The following P2RX7 variants were observed in gnomAD, a reference collection of about 807,000 sequenced individuals.
P2RX7 encodes P2X purinoceptor 7.
P2RX7 carries 62 observed loss-of-function variants against 71.6 expected under a neutral mutation model. The ratio of observed to expected loss-of-function variants is 0.87; its 90% CI spans 0.71 to 1.07. The LOEUF is 1.07. Ranked by LOEUF, P2RX7 falls within the 50% of genes least tolerant of loss-of-function variation. The pLI is 0.00. For synonymous variants in P2RX7, 299 were observed against 283.3 expected (o/e 1.06, Z -0.56); for missense variants, 686 against 748.5 (o/e 0.92, Z 0.97).
At chr12:121,177,720 A>C (rs1466978574) in intron 11 of P2RX7, among the ~76,000 whole-genome samples, 4 of 146,582 alleles carry the variant, frequency 2.7e-5, no homozygotes, top group African/African-American at 1.1e-4. Context: ...TTATTTATTT[A>C]TTTATTTATT....
chr12:121,163,377 C>CACAA (rs1159273424), intron 5 of P2RX7, among the ~76,000 whole-genome samples: 3 of 151,632 alleles, frequency 2.0e-5, no homozygotes, highest in African/African-American at 7.3e-5. Flanking sequence ...CACACACACA[C>CACAA]AATCTACCCC....
intron 4 of P2RX7, among the ~76,000 whole-genome samples, chr12:121,161,758 C>T (rs796992050): frequency 1.4e-5 from 2 of 140,168 alleles, no homozygotes; most frequent in South Asian, 2.3e-4. Flanking sequence ...TGCCACTGCA[C>T]TCCAGCATGG....
At chr12:121,160,402 C>T (rs998828862) in intron 3 of P2RX7, among the ~76,000 whole-genome samples, 7 of 152,180 alleles carry the variant, frequency 4.6e-5, no homozygotes, top group South Asian at 2.1e-4. Flanking sequence ...CCGCCTTGGC[C>T]TCCCAAAGTG....
rs754831836 is a variant in P2RX7 at position 121,155,201 on chromosome 12, A to G, written c.294+248A>G. The G allele has an allele frequency of 2.3e-5, 34 of 1,462,716 alleles. No individual in the cohort carries two copies. In the African/African-American group the frequency reaches 4.5e-4, roughly 19 times the overall value. The allele number at this position is 1,462,716 out of a possible 1,614,324, so 90.6% of individuals were successfully genotyped here. On this transcript the variant is annotated intron_variant, in intron 2 of 12. Coordinates refer to ENST00000328963, the MANE Select transcript of P2RX7 (RefSeq NM_002562.6). ...CCTCATGTCCTGGTGCATTGAAAAC[A>G]GGATTTGATTCACTCGCGCTTGATT...
At chr12:121,152,666 C>T (rs775843373) in intron 1 of P2RX7, among the ~76,000 whole-genome samples, 5 of 152,314 alleles carry the variant, frequency 3.3e-5, no homozygotes, top group Non-Finnish European at 7.3e-5. Flanking sequence ...ATTACAGGCT[C>T]ACGCCACCGT....
chr12:121,149,929 C>T lies in P2RX7; in HGVS notation c.126-4856C>T, dbSNP rs966760021. Among the ~76,000 whole-genome samples, 1 of 152,142 alleles carries T rather than the reference C, an allele frequency of 6.6e-6. No individual in the cohort carries two copies. The highest frequency in any genetic ancestry group is 2.4e-5 in the African/African-American group (1 of 41,420). On this transcript the variant is annotated intron_variant, in intron 1 of 12. Transcript: ENST00000328963. The surrounding 1 kb of genome is among the most constrained non-coding windows in gnomAD (Gnocchi z 4.7). ...TAGGTCCTTCACACTCCCGTTAGCT[C>T]CAGGTACCAGCGGCTTTGCCTTCTA...
At chr12:121,179,213 G>A (rs779595010) in intron 11 of P2RX7, among the ~76,000 whole-genome samples, 3 of 152,050 alleles carry the variant, frequency 2.0e-5, no homozygotes, top group Non-Finnish European at 4.4e-5. Flanking sequence ...AAACAAAGAC[G>A]ATTGGCTAGA....
chr12:121,138,121 G>A (rs560422), intron 1 of P2RX7, among the ~76,000 whole-genome samples: 136,552 of 152,206 alleles, frequency 0.9, 61,426 homozygotes, highest in East Asian at 1. Context: ...AACCCAACTT[G>A]CGTTAACCAC....
At chr12:121,140,155 G>A (rs959071336) in intron 1 of P2RX7, among the ~76,000 whole-genome samples, 1 of 152,178 alleles carries the variant, frequency 6.6e-6, no homozygotes, top group African/African-American at 2.4e-5. Flanking sequence ...TTCGGGAAGT[G>A]ACCCCGTAGG....
At chr12:121,167,007 G>A (rs928616760) in intron 7 of P2RX7, among the ~76,000 whole-genome samples, 6 of 148,102 alleles carry the variant, frequency 4.1e-5, no homozygotes, top group Non-Finnish European at 8.9e-5. Context: ...AGCCGAGATC[G>A]CACCACTGCA....
chr12:121,147,337 G>C (rs1876405456), intron 1 of P2RX7, among the ~76,000 whole-genome samples: 1 of 152,138 alleles, frequency 6.6e-6, no homozygotes, highest in Admixed American at 6.5e-5. Flanking sequence ...TTTTGTTTTT[G>C]TTTTTGGTGG....
Position 121,165,470 on chromosome 12 carries a change from A to G in P2RX7, c.614+33A>G, listed in dbSNP as rs200809092. On this transcript the variant is annotated intron_variant, in intron 6 of 12. Coordinates refer to ENST00000328963, the MANE Select transcript of P2RX7 (RefSeq NM_002562.6). ...CCCAGGCTGCCTGGCTGTCTTAGTT[A>G]TCTACTGCTGAGTAATAAATTATCC... 1.6e-4 allele frequency: 248 copies of G among 1,506,172 alleles called. No individual in the cohort carries two copies. In the African/African-American group the frequency reaches 3.1e-3, roughly 19 times the overall value. The allele number at this position is 1,506,172 out of a possible 1,614,324, so 93.3% of individuals were successfully genotyped here. A position where few individuals can be genotyped will look rare whatever the true frequency, so the allele number is the denominator to read the frequency against.
chr12:121,182,952 C>A (rs189283733), intron 12 of P2RX7, among the ~76,000 whole-genome samples: 17 of 152,114 alleles, frequency 1.1e-4, no homozygotes, highest in Middle Eastern at 3.4e-3. Context: ...CCGAGGCAGG[C>A]GGATCACAAG....
intron 1 of P2RX7, among the ~76,000 whole-genome samples, chr12:121,152,355 G>T (rs1041309105): frequency 6.6e-6 from 1 of 151,014 alleles, no homozygotes; most frequent in Non-Finnish European, 1.5e-5. Context: ...TTGAGACAGG[G>T]TCTCACTCTG....
At chr12:121,155,147 A>C in intron 2 of P2RX7, 194 bp downstream of exon 2, 1 of 1,496,268 alleles carries the variant, frequency 6.7e-7, no homozygotes, top group South Asian at 1.2e-5. Context: ...TCTTTGCTTT[A>C]TCAAGTCCTA....
chr12:121,162,106 A>G (rs562430315), intron 4 of P2RX7, among the ~76,000 whole-genome samples: 105 of 152,242 alleles, frequency 6.9e-4, no homozygotes, highest in African/African-American at 2.3e-3. Flanking sequence ...GCCATGTTCT[A>G]GTCCATTTAT....
intron 3 of P2RX7, among the ~76,000 whole-genome samples, chr12:121,158,969 G>A (rs1879113063): frequency 6.6e-6 from 1 of 152,208 alleles, no homozygotes; most frequent in African/African-American, 2.4e-5. Context: ...GGAGTCACAA[G>A]GGGAGGAGAC....
chr12:121,153,129 T>C (rs1877801253), intron 1 of P2RX7, among the ~76,000 whole-genome samples: 1 of 152,184 alleles, frequency 6.6e-6, no homozygotes, highest in Admixed American at 6.5e-5. Context: ...AATATGTGGG[T>C]ATCTGGATAA....
At chr12:121,167,385 TCC>T in intron 7 of P2RX7, 101 bp from the exon 8 acceptor site, 1 of 1,363,116 alleles carries the variant, frequency 7.3e-7, no homozygotes, top group Non-Finnish European at 1.0e-6. Flanking sequence ...TCAGCATTTT[TCC>T]TCTAAAAACC....
Sources: gnomAD v4.1 joint callset for allele counts (sites outside exome capture counted in the v4.1 genomes callset) on GRCh38, gnomAD v4.1.1 for gene constraint, Gnocchi (gnomAD v3.1) non-coding constraint, MANE v1.5 for transcripts, NCBI Gene and HGNC (gene_info 2026-07-23, HGNC 2026-07-21) for gene names.